Variants in AP4S1 observed in about 807,000 individuals in gnomAD.
AP4S1 encodes the protein adaptor related protein complex 4 subunit sigma 1.
AP4S1 carries 23 observed loss-of-function variants against 19.8 expected under a neutral mutation model. That is an observed-to-expected ratio of 1.16 (90% CI 0.84 to 1.65). The LOEUF is 1.65. Ranked by LOEUF, AP4S1 falls within the 40% of genes most tolerant of loss-of-function variation. The probability of loss-of-function intolerance (pLI) is 0.00; values close to 1 mark genes in which losing one functional copy is unlikely to be tolerated. For synonymous variants in AP4S1, 46 were observed against 54.1 expected (o/e 0.85, Z 0.66); for missense variants, 166 against 172.8 (o/e 0.96, Z 0.22).
At chr14:31,082,196 G>A (rs1449168740) in intron 5 of AP4S1, among the ~76,000 whole-genome samples, 1 of 152,084 alleles carries the variant, frequency 6.6e-6, no homozygotes, top group East Asian at 1.9e-4. Flanking sequence ...CTAGTGGTGA[G>A]TGACCCAAAT....
At chr14:31,062,233 G>A (rs1486194305) in intron 1 of AP4S1, among the ~76,000 whole-genome samples, 1 of 151,924 alleles carries the variant, frequency 6.6e-6, no homozygotes, top group Non-Finnish European at 1.5e-5. Context: ...CAAGTAGCTG[G>A]GATTACAGGC....
At chr14:31,058,071 C>T (rs537244846) in intron 1 of AP4S1, among the ~76,000 whole-genome samples, 1 of 119,820 alleles carries the variant, frequency 8.3e-6, no homozygotes, top group East Asian at 2.1e-4. Context: ...ACATGAACCA[C>T]CACACCCAGC....
chr14:31,042,127 G>A (rs1219790199), intron 1 of AP4S1, among the ~76,000 whole-genome samples: 1 of 152,120 alleles, frequency 6.6e-6, no homozygotes, highest in East Asian at 1.9e-4. Flanking sequence ...CACCGCACCC[G>A]GCCAACATTA....
At chr14:31,085,854 C>T in intron 5 of AP4S1, 9 of 984,462 alleles carry the variant, frequency 9.1e-6, no homozygotes, top group Non-Finnish European at 1.1e-5. Context: ...GCAGTTGATT[C>T]TAGAGCCCTA....
intron 1 of AP4S1, among the ~76,000 whole-genome samples, chr14:31,047,395 T>TC (rs1273380682): frequency 6.7e-6 from 1 of 149,254 alleles, no homozygotes; most frequent in African/African-American, 2.5e-5. Context: ...CTTTTTTTTT[T>TC]TTTTTTTTTT....
intron 1 of AP4S1, among the ~76,000 whole-genome samples, chr14:31,050,506 G>T (rs1241447707): frequency 6.6e-6 from 1 of 151,832 alleles, no homozygotes; most frequent in African/African-American, 2.4e-5. Context: ...TTTAGAGACA[G>T]GGTCTTGCTA....
chr14:31,074,469 G>A (rs867616729), intron 4 of AP4S1, among the ~76,000 whole-genome samples: 10 of 152,136 alleles, frequency 6.6e-5, no homozygotes, highest in Admixed American at 5.9e-4. Context: ...TGGCTAACAC[G>A]GTGAAACCCT....
At chr14:31,052,907 A>G (rs1391736371) in intron 1 of AP4S1, among the ~76,000 whole-genome samples, 1 of 150,478 alleles carries the variant, frequency 6.6e-6, no homozygotes, top group Non-Finnish European at 1.5e-5. Context: ...ACAAGAAAGG[A>G]GGAAAGGAAA....
chr14:31,068,412 C>T (rs1221794661), intron 2 of AP4S1, among the ~76,000 whole-genome samples: 1 of 152,226 alleles, frequency 6.6e-6, no homozygotes, highest in East Asian at 1.9e-4. Flanking sequence ...ATGTGTCTCC[C>T]TTGGCATCTC....
At chr14:31,077,177 T>C (rs1279300021) in intron 4 of AP4S1, among the ~76,000 whole-genome samples, 1 of 152,154 alleles carries the variant, frequency 6.6e-6, no homozygotes, top group Admixed American at 6.5e-5. Context: ...CCTCAGGTGA[T>C]CCGCCCGCCT....
At chr14:31,053,652 TC>T (rs1885942921) in intron 1 of AP4S1, among the ~76,000 whole-genome samples, 2 of 135,040 alleles carry the variant, frequency 1.5e-5, no homozygotes, top group Non-Finnish European at 3.1e-5. Flanking sequence ...CCCAGGCTGG[TC>T]TTAAACTTCT....
At chr14:31,068,933 G>A (rs1886863027) in intron 2 of AP4S1, among the ~76,000 whole-genome samples, 1 of 152,126 alleles carries the variant, frequency 6.6e-6, no homozygotes, top group Non-Finnish European at 1.5e-5. Context: ...TCTACAGTGA[G>A]CCAAACGCTG....
intron 1 of AP4S1, among the ~76,000 whole-genome samples, chr14:31,049,144 T>C (rs1321010230): frequency 1.3e-5 from 2 of 151,488 alleles, no homozygotes; most frequent in African/African-American, 4.8e-5. Context: ...CCGGGCGTGG[T>C]GGCTCACGCC....
rs2139135301 is a variant in AP4S1 at position 31,096,305 on chromosome 14, ACTGT to A, written c.*3273_*3276del. The A allele has an allele frequency of 6.6e-6, 1 of 152,164 alleles. No individual in the cohort carries two copies. The highest frequency in any genetic ancestry group is 2.4e-5 in the African/African-American group (1 of 41,502). 9.4% of individuals were successfully genotyped at this position (152,164 alleles called of 1,614,324 possible). On this transcript the variant is annotated 3_prime_UTR_variant, in exon 6 of 6. Transcript: ENST00000542754. ...CCCCGTTAACAGAAGAATATACAGAACTGTCTTAGGCGAAAGTATGTACAGTAGT... is the reference window on the plus strand; with the variant it reads ...CCCCGTTAACAGAAGAATATACAGAACTTAGGCGAAAGTATGTACAGTAGT...
intron 1 of AP4S1, among the ~76,000 whole-genome samples, chr14:31,050,202 G>A (rs1042607206): frequency 6.6e-6 from 1 of 152,082 alleles, no homozygotes; most frequent in East Asian, 1.9e-4. Context: ...GATTACAGGC[G>A]TGAGCCACCA....
chr14:31,057,011 T>C (rs1886158211), intron 1 of AP4S1, among the ~76,000 whole-genome samples: 1 of 152,106 alleles, frequency 6.6e-6, no homozygotes, highest in Non-Finnish European at 1.5e-5. Flanking sequence ...GAGGTCAAAG[T>C]TGCAGTGAGC....
intron 5 of AP4S1, among the ~76,000 whole-genome samples, chr14:31,081,089 G>A (rs532620099): frequency 2.0e-5 from 3 of 152,240 alleles, no homozygotes; most frequent in Non-Finnish European, 2.9e-5. Context: ...ACTGCGCCTG[G>A]CAAGATGATT....
At chr14:31,035,907 T>C (rs1884733758) in intron 1 of AP4S1, among the ~76,000 whole-genome samples, 1 of 152,014 alleles carries the variant, frequency 6.6e-6, no homozygotes, top group Non-Finnish European at 1.5e-5. Flanking sequence ...ATTTTTTGTA[T>C]TTTTGGTAGA....
intron 4 of AP4S1, 47 bp from the exon 5 acceptor site, chr14:31,080,526 C>T: frequency 1.3e-6 from 2 of 1,484,124 alleles, no homozygotes; most frequent in Non-Finnish European, 1.9e-6. Flanking sequence ...GAGCAGTGGT[C>T]CCCAGTGTCT....
Sources: gnomAD v4.1 joint callset for allele counts (sites outside exome capture counted in the v4.1 genomes callset) on GRCh38, gnomAD v4.1.1 for gene constraint, MANE v1.5 for transcripts, NCBI Gene and HGNC (gene_info 2026-07-23, HGNC 2026-07-21) for gene names.